The following ABI2 variants were observed in gnomAD, a reference collection of about 807,000 sequenced individuals.
ABI2 encodes the protein abl interactor 2.
In ABI2, 25 loss-of-function variants were observed where a neutral mutation model predicts 59.2. The ratio of observed to expected loss-of-function variants is 0.42; its 90% confidence interval spans 0.31 to 0.59. The LOEUF (loss-of-function observed/expected upper bound fraction) is 0.59. ABI2 is among the 20% of genes least tolerant of loss of function. The pLI is 0.14. For synonymous variants in ABI2, 213 were observed against 235.5 expected, an observed-to-expected ratio of 0.90 and a Z score of 0.87; for missense variants, 545 against 681.8, an observed-to-expected ratio of 0.80 and a Z score of 2.23.
chr2:203,366,847 T>G (rs755268731), intron 1 of ABI2, 30 bp from the exon 2 acceptor site: 66 of 1,510,068 alleles, frequency 4.4e-5, no homozygotes, highest in Middle Eastern at 3.5e-4. Flanking sequence ...ATTTTTGAAT[T>G]AATGATCACT....
At chr2:203,385,644 G>A (rs2096472511) in intron 4 of ABI2, among the ~76,000 whole-genome samples, 1 of 152,086 alleles carries the variant, frequency 6.6e-6, no homozygotes, top group African/African-American at 2.4e-5. Context: ...CTAGCTTTCA[G>A]GTACAGTTGA....
chr2:203,404,856 G>T (rs2097362352), intron 9 of ABI2, among the ~76,000 whole-genome samples: 1 of 152,150 alleles, frequency 6.6e-6, no homozygotes, highest in African/African-American at 2.4e-5. Flanking sequence ...ACCGCACCCG[G>T]CCTATACAGG....
chr2:203,356,984 A>G (rs1252980038), intron 1 of ABI2, among the ~76,000 whole-genome samples: 2 of 152,140 alleles, frequency 1.3e-5, no homozygotes, highest in African/African-American at 2.4e-5. Flanking sequence ...AAGGCAAATG[A>G]GTAAAAAGAA....
chr2:203,348,732 T>C (rs568178597), intron 1 of ABI2, among the ~76,000 whole-genome samples: 279 of 152,294 alleles, frequency 1.8e-3, no homozygotes, highest in African/African-American at 6.6e-3. Context: ...TTCTCATGTA[T>C]TTTCTTCCTC....
chr2:203,360,054 G>A (rs1177258906), intron 1 of ABI2, among the ~76,000 whole-genome samples: 1 of 151,704 alleles, frequency 6.6e-6, no homozygotes, highest in Non-Finnish European at 1.5e-5. Flanking sequence ...GCGTGGTGGT[G>A]CATGCCTGTA....
intron 5 of ABI2, among the ~76,000 whole-genome samples, chr2:203,394,151 G>A (rs1225604438): frequency 6.6e-6 from 1 of 152,176 alleles, no homozygotes. Flanking sequence ...TGAGATTAAA[G>A]TGTGTATTTT....
chr2:203,386,160 G>A (rs2096497317), intron 4 of ABI2, among the ~76,000 whole-genome samples: 2 of 152,240 alleles, frequency 1.3e-5, no homozygotes, highest in African/African-American at 4.8e-5. Context: ...GACTATAATG[G>A]GGAACAAAAC....
intron 1 of ABI2, among the ~76,000 whole-genome samples, chr2:203,344,060 G>T (rs2081655334): frequency 6.6e-6 from 1 of 152,152 alleles, no homozygotes; most frequent in East Asian, 1.9e-4. Flanking sequence ...TTGAGCTCAG[G>T]GTTGGAGGCT....
intron 1 of ABI2, among the ~76,000 whole-genome samples, chr2:203,364,801 C>A (rs2094161021): frequency 6.7e-6 from 1 of 149,874 alleles, no homozygotes; most frequent in South Asian, 2.1e-4. Flanking sequence ...GTGATATGAT[C>A]ATGGCTCACT....
chr2:203,410,439 C>A (rs1311786989), intron 9 of ABI2, among the ~76,000 whole-genome samples: 1 of 152,074 alleles, frequency 6.6e-6, no homozygotes, highest in African/African-American at 2.4e-5. Context: ...GCTTTAGTTT[C>A]CACACATACC....
rs80151562 is a variant in ABI2 at position 203,371,537 on chromosome 2, A to G, written c.285+4493A>G. Among the ~76,000 whole-genome samples, 254 of 152,332 alleles carry G rather than the reference A, an allele frequency of 1.7e-3. 4 individuals are homozygous for G. In the East Asian group the frequency reaches 0.041, roughly 24 times the overall value. On this transcript the variant is annotated intron_variant, in intron 2 of 11. Transcript: ENST00000261018. ...GTTGGTTCTTAACATGGATTATGTT[A>G]TGTATTTTAGGGCTGGTAAATTTTA...
At chr2:203,387,929 T>C (rs1420759457) in intron 4 of ABI2, among the ~76,000 whole-genome samples, 1 of 152,186 alleles carries the variant, frequency 6.6e-6, no homozygotes, top group African/African-American at 2.4e-5. Flanking sequence ...ATGTTTTCTC[T>C]CTTAAATACT....
At chr2:203,380,852 G>C (rs767340451) in intron 3 of ABI2, among the ~76,000 whole-genome samples, 1 of 152,160 alleles carries the variant, frequency 6.6e-6, no homozygotes, top group Non-Finnish European at 1.5e-5. Context: ...AATAGTGTTA[G>C]GTAAAAGTGA....
At chr2:203,412,281 C>G (rs2097709408) in intron 10 of ABI2, among the ~76,000 whole-genome samples, 1 of 152,158 alleles carries the variant, frequency 6.6e-6, no homozygotes, top group Admixed American at 6.5e-5. Context: ...GTTTTGCTTG[C>G]TAGCTGTTTC....
intron 4 of ABI2, among the ~76,000 whole-genome samples, chr2:203,390,133 C>G (rs1012683465): frequency 4.6e-5 from 7 of 152,162 alleles, no homozygotes; most frequent in African/African-American, 2.4e-5. Flanking sequence ...GCTTGAACTT[C>G]TAGCAGTTTT....
At position 203,345,416 on chromosome 2, in the gene ABI2, G is replaced by A. The variant is rs540814189; in HGVS notation, c.117+16785G>A. 2.0e-5 allele frequency among the ~76,000 whole-genome samples: 3 copies of A among 152,184 alleles called. No homozygotes were observed. The East Asian group carries it at 5.8e-4, about 29-fold the overall frequency. ...TAACATTCACGGCGAGGGTCCACGG[G>A]TTCATTCTTGAAGTCAGCCAGACCA... On this transcript the variant is annotated intron_variant, in intron 1 of 11. Coordinates refer to ENST00000261018, the MANE Select transcript of ABI2 (RefSeq NM_001375670.1).
intron 11 of ABI2, among the ~76,000 whole-genome samples, chr2:203,419,459 A>G (rs897011801): frequency 3.6e-5 from 5 of 140,042 alleles, no homozygotes; most frequent in Admixed American, 2.8e-4. Flanking sequence ...AGCTCCGACT[A>G]CCGGGTTCAC....
chr2:203,358,535 A>C (rs1411681479), intron 1 of ABI2, among the ~76,000 whole-genome samples: 1 of 152,216 alleles, frequency 6.6e-6, no homozygotes, highest in African/African-American at 2.4e-5. Context: ...AATCACTGGA[A>C]TCAGGAACTC....
intron 1 of ABI2, among the ~76,000 whole-genome samples, chr2:203,349,368 A>G (rs180848861): frequency 6.6e-6 from 1 of 152,190 alleles, no homozygotes; most frequent in African/African-American, 2.4e-5. Context: ...TCTAATCCTG[A>G]AGTCTCCATT....
Sources: allele counts gnomAD v4.1 joint callset (sites outside exome capture counted in the v4.1 genomes callset), GRCh38; gene constraint gnomAD v4.1.1; transcripts MANE v1.5; gene names NCBI Gene and HGNC (gene_info 2026-07-23, HGNC 2026-07-21).